GABRD: variants seen among roughly 807,000 people sequenced by gnomAD.
GABRD encodes the protein gamma-aminobutyric acid type A receptor subunit delta.
In GABRD, 25 loss-of-function variants were observed where a neutral mutation model predicts 47.3. That is an observed-to-expected ratio of 0.53 (90% confidence interval 0.39 to 0.74). The LOEUF (loss-of-function observed/expected upper bound fraction) is 0.74. GABRD is among the 30% of genes least tolerant of loss of function. The probability of loss-of-function intolerance (pLI) is 0.00; values close to 1 mark genes in which losing one functional copy is unlikely to be tolerated. For synonymous variants in GABRD, 314 were observed against 278.8 expected, an observed-to-expected ratio of 1.13 and a Z score of -1.26; for missense variants, 497 against 643.4, an observed-to-expected ratio of 0.77 and a Z score of 2.46.
At position 2,028,058 on chromosome 1, in the gene GABRD, C is replaced by T. The variant is rs1010683845; in HGVS notation, c.554-97C>T. ...TGCTCGGTCCCCATCACGATGGCGT[C>T]GGCCCCCTGCAGGCTTCCTGTGTGG... On this transcript the variant is annotated intron_variant, in intron 5 of 8. Coordinates refer to ENST00000378585, the MANE Select transcript of GABRD (RefSeq NM_000815.5). The surrounding 1 kb of genome is among the most constrained non-coding windows in gnomAD (Gnocchi z 6.4). 1.0e-4 allele frequency: 137 copies of T among 1,376,174 alleles called. No homozygotes were observed. Among genetic ancestry groups the T allele is most frequent in the Middle Eastern group, 2.6e-4 (1 of 3,832 alleles). 85.2% of individuals were successfully genotyped at this position (1,376,174 alleles called of 1,614,324 possible). A position where few individuals can be genotyped will look rare whatever the true frequency, so the allele number is the denominator to read the frequency against.
rs1270363058 is a variant in GABRD, at chr1:2,030,333, C to T, written c.*51C>T. 6 of 1,451,982 alleles carry T rather than the reference C, an allele frequency of 4.1e-6. No homozygotes were observed. The highest frequency in any genetic ancestry group is 5.5e-6 in the Non-Finnish European group (6 of 1,094,506). The allele number at this position is 1,451,982 out of a possible 1,614,324, so 89.9% of individuals were successfully genotyped here. ...TGTCCTGGCGCCCGGCGGCAGCTGC[C>T]CAGAAACTTCCTGGGAGAAAGAGCC... is the stretch of plus-strand genomic sequence containing the variant. On this transcript the variant is annotated 3_prime_UTR_variant, in exon 9 of 9. Coordinates refer to ENST00000378585, the MANE Select transcript of GABRD (RefSeq NM_000815.5).
At chr1:2,025,218 G>A (rs1449911220) in intron 2 of GABRD, 116 bp from the exon 3 acceptor site, 5 of 1,353,128 alleles carry the variant, frequency 3.7e-6, no homozygotes, top group African/African-American at 2.9e-5. Flanking sequence ...CCAGGGAGGT[G>A]CAGCTTCTCA....
rs1035211628 is a variant in GABRD at position 2,030,220 on chromosome 1, G to A, written c.1297G>A (p.Ala433Thr). 1.9e-6 allele frequency: 3 copies of A among 1,569,248 alleles called. No homozygotes were observed. Among genetic ancestry groups the A allele is most frequent in the Admixed American group, 1.8e-5 (1 of 54,538 alleles). The change falls in exon 9 of 9, where the codon GCT becomes ACT. Residue 433 changes from alanine to threonine, a missense_variant. Ala to Thr is a moderately conservative substitution (Grantham distance 58). Around this residue, in one of 3 missense-constraint regions of GABRD, gnomAD observed 121 missense variants for 121.3 expected, o/e 1.00. Transcript: ENST00000378585. ...AGACACCATTGACATTTACGCCCGCGCTGTGTTCCCTGCGGCGTTTGCGGC... is the reference window on the plus strand; with the variant it reads ...AGACACCATTGACATTTACGCCCGCACTGTGTTCCCTGCGGCGTTTGCGGC... ...DADTIDIYAR[A>T]VFPAAFAAVN...
At chr1:2,019,964 G>A (rs552168868) in intron 1 of GABRD, among the ~76,000 whole-genome samples, 11 of 152,342 alleles carry the variant, frequency 7.2e-5, no homozygotes, top group Admixed American at 6.5e-4. Flanking sequence ...GGTCTGGGAC[G>A]GACGGAGGAG....
chr1:2,030,309 G>T lies in GABRD; in HGVS notation c.*27G>T. The T allele has an allele frequency of 6.8e-7, 1 of 1,477,686 alleles. No individual in the cohort carries two copies. Among genetic ancestry groups the T allele is most frequent in the Non-Finnish European group, 9.0e-7 (1 of 1,113,126 alleles). The allele number at this position is 1,477,686 out of a possible 1,614,324, so 91.5% of individuals were successfully genotyped here. ...CACAGGACTCAGGCCACCCTCGCTT[G>T]TCCTGGCGCCCGGCGGCAGCTGCCC... On this transcript the variant is annotated 3_prime_UTR_variant, in exon 9 of 9. Transcript: ENST00000378585.
chr1:2,021,460 G>A (rs1658775636), intron 1 of GABRD, among the ~76,000 whole-genome samples: 1 of 152,180 alleles, frequency 6.6e-6, no homozygotes. Context: ...CAGTCTCGGG[G>A]TCCTTGTCCT....
Position 2,028,974 on chromosome 1 carries a change from G to T in GABRD, c.692-137G>T, listed in dbSNP as rs1659007872. Reference sequence around the variant, plus strand: ...CCCTGACATTTCAGGCCATGTGGTTGGTGGGGAGGGCAGGGGTCTAAGTCT... The same window carrying T: ...CCCTGACATTTCAGGCCATGTGGTTTGTGGGGAGGGCAGGGGTCTAAGTCT... On this transcript the variant is annotated intron_variant, in intron 6 of 8. Transcript: ENST00000378585. The surrounding 1 kb of genome is among the most constrained non-coding windows in gnomAD (Gnocchi z 6.4). 2.8e-6 allele frequency: 3 copies of T among 1,078,136 alleles called. No homozygotes were observed. The highest frequency in any genetic ancestry group is 2.6e-6 in the Non-Finnish European group (2 of 761,636). 66.8% of individuals were successfully genotyped at this position (1,078,136 alleles called of 1,614,324 possible).
intron 5 of GABRD, chr1:2,027,922 G>A: frequency 1.6e-6 from 1 of 612,858 alleles, no homozygotes; most frequent in Non-Finnish European, 2.9e-6. Context: ...CAGTGCAGCA[G>A]CCCCTGTGTG....
chr1:2,023,064 T>G (rs1658823621), intron 1 of GABRD, among the ~76,000 whole-genome samples: 1 of 152,052 alleles, frequency 6.6e-6, no homozygotes, highest in African/African-American at 2.4e-5. Context: ...ATAAAGTGTA[T>G]GGAGCAGAGT....
At chr1:2,027,452 C>T in intron 4 of GABRD, 125 bp from the exon 5 acceptor site, 1 of 764,866 alleles carries the variant, frequency 1.3e-6, no homozygotes, top group East Asian at 2.7e-5. Flanking sequence ...TCTGGGCAAA[C>T]ACAGTCTGAG....
At position 2,029,664 on chromosome 1, in the gene GABRD, G is replaced by A; in HGVS notation, c.961G>A (p.Val321Met). The A allele has an allele frequency of 2.5e-6, 4 of 1,613,570 alleles. No individual in the cohort carries two copies. The highest frequency in any genetic ancestry group is 3.4e-6 in the Non-Finnish European group (4 of 1,180,006). ...DVYFWICYVF[V>M]FAALVEYAFA... ...CTACTTCTGGATCTGCTATGTCTTC[G>A]TGTTTGCCGCCCTGGTGGAGTACGC... Residue 321 changes from valine to methionine, a missense_variant, in exon 8 of 9, where the codon GTG (valine) becomes ATG (methionine). Transcript: ENST00000378585.
intron 7 of GABRD, 67 bp downstream of exon 7, chr1:2,029,333 C>T: frequency 6.6e-7 from 1 of 1,504,506 alleles, no homozygotes; most frequent in South Asian, 1.3e-5. Flanking sequence ...ACTCCCCATC[C>T]CTCGGCTGGG....
intron 6 of GABRD, 83 bp from the exon 7 acceptor site, chr1:2,029,028 C>A: frequency 6.7e-7 from 1 of 1,502,052 alleles, no homozygotes; most frequent in Non-Finnish European, 8.9e-7. Context: ...GGCCCCGTAG[C>A]TGCCAAGCCC....
rs757601943 is a variant in GABRD, at chr1:2,029,717, G to A, written c.1014G>A (p.Arg338=). The A allele has an allele frequency of 6.2e-7, 1 of 1,613,392 alleles. No homozygotes were observed. The highest frequency in any genetic ancestry group is 1.3e-5 in the African/African-American group (1 of 75,068). The change falls in exon 8 of 9, where the codon AGG becomes AGA. Residue 338 remains arginine, a synonymous_variant. Transcript: ENST00000378585. ...YAFAHFNADY[R]KKQKAKVKVS... ...TTGCTCATTTCAACGCCGACTACAG[G>A]AAGAAGCAGAAGGCCAAGGTCAAGG...
chr1:2,025,532 G>T lies in GABRD; in HGVS notation c.264G>T (p.Thr88=). ...CACCTCCACAGGAGTACACCATGACGGTGTTCCTGCACCAGAGCTGGCGGG... is the reference window on the plus strand; with the variant it reads ...CACCTCCACAGGAGTACACCATGACTGTGTTCCTGCACCAGAGCTGGCGGG... ...ISEANMEYTM[T]VFLHQSWRDS... Residue 88 remains threonine (T), a synonymous_variant, in exon 4 of 9, where the codon ACG becomes ACT. Coordinates refer to ENST00000378585, the MANE Select transcript of GABRD (RefSeq NM_000815.5). The T allele has an allele frequency of 1.9e-6, 3 of 1,613,032 alleles. No homozygotes were observed. Among genetic ancestry groups the T allele is most frequent in the Non-Finnish European group, 2.5e-6 (3 of 1,179,976 alleles).
chr1:2,027,332 T>A (rs2102149973), intron 4 of GABRD: 1 of 552,888 alleles, frequency 1.8e-6, no homozygotes, highest in East Asian at 3.3e-5. Flanking sequence ...GCCCCCAGCC[T>A]AGTTCAATAG....
chr1:2,019,526 G>C, intron 1 of GABRD, 35 bp downstream of exon 1: 1 of 1,090,364 alleles, frequency 9.2e-7, no homozygotes, highest in Non-Finnish European at 1.1e-6. Flanking sequence ...GCGGGGTCGG[G>C]GGCGGTGGGG....
At chr1:2,019,720 G>T (rs920857916) in intron 1 of GABRD, among the ~76,000 whole-genome samples, 1 of 151,980 alleles carries the variant, frequency 6.6e-6, no homozygotes, top group Admixed American at 6.5e-5. Flanking sequence ...GGCCGCCCCC[G>T]CCCGGTGCTG....
intron 4 of GABRD, 196 bp downstream of exon 4, chr1:2,025,934 C>T (rs890784241): frequency 1.5e-5 from 9 of 600,296 alleles, no homozygotes; most frequent in Non-Finnish European, 2.7e-5. Flanking sequence ...TCCAAGGTCG[C>T]CGACAGGAAG....
Sources: allele counts gnomAD v4.1 joint callset (sites outside exome capture counted in the v4.1 genomes callset), GRCh38; gene constraint gnomAD v4.1.1; regional missense constraint gnomAD v4.1.1; non-coding constraint Gnocchi (gnomAD v3.1); transcripts MANE v1.5; gene names NCBI Gene and HGNC (gene_info 2026-07-23, HGNC 2026-07-21).